The following SUMF1 variants were observed in gnomAD, a reference collection of about 807,000 sequenced individuals.
SUMF1 encodes the protein sulfatase modifying factor 1.
SUMF1 carries 48 observed loss-of-function variants against 47.6 expected under a neutral mutation model. The ratio of observed to expected loss-of-function variants is 1.01; its 90% confidence interval spans 0.80 to 1.28. The LOEUF (loss-of-function observed/expected upper bound fraction) is 1.28, where lower values mean the gene tolerates loss of function less well. Ranked by LOEUF, SUMF1 falls within the 50% of genes most tolerant of loss-of-function variation. The probability of loss-of-function intolerance (pLI) is 0.00; values close to 1 mark genes in which losing one functional copy is unlikely to be tolerated. For synonymous variants in SUMF1, 230 were observed against 192.1 expected (o/e 1.20, Z -1.63); for missense variants, 571 against 485.4 (o/e 1.18, Z -1.66).
At chr3:4,193,233 A>G (rs535665264) in intron 8 of SUMF1, among the ~76,000 whole-genome samples, 1 of 152,090 alleles carries the variant, frequency 6.6e-6, no homozygotes, top group South Asian at 2.1e-4. Flanking sequence ...TTTTTAATTT[A>G]TTTAAATTAA....
intron 8 of SUMF1, among the ~76,000 whole-genome samples, chr3:4,187,884 C>T (rs1470492214): frequency 3.3e-5 from 5 of 152,232 alleles, no homozygotes; most frequent in South Asian, 2.1e-4. Flanking sequence ...ACCATACACC[C>T]GGACCTTAAC....
At chr3:4,254,317 G>C (rs1302832055) in intron 8 of SUMF1, among the ~76,000 whole-genome samples, 1 of 151,524 alleles carries the variant, frequency 6.6e-6, no homozygotes, top group Non-Finnish European at 1.5e-5. Context: ...ATTACTCTGA[G>C]CTATGGGAGG....
At chr3:4,289,162 G>C (rs1263032033) in intron 8 of SUMF1, among the ~76,000 whole-genome samples, 1 of 152,198 alleles carries the variant, frequency 6.6e-6, no homozygotes, top group Non-Finnish European at 1.5e-5. Flanking sequence ...GGGAAAATGG[G>C]GAAGATAGTG....
At chr3:4,407,085 GACACACACACACAC>G (rs113556805) in intron 7 of SUMF1, among the ~76,000 whole-genome samples, 4 of 148,562 alleles carry the variant, frequency 2.7e-5, no homozygotes, top group Non-Finnish European at 6.0e-5. Flanking sequence ...ACACACATGG[GACACACACACACAC>G]ACACACACAC....
At chr3:4,247,418 A>T (rs1388862975) in intron 8 of SUMF1, among the ~76,000 whole-genome samples, 2 of 152,224 alleles carry the variant, frequency 1.3e-5, no homozygotes, top group Non-Finnish European at 2.9e-5. Flanking sequence ...AAAGCTATTA[A>T]ATTCAATATT....
intron 8 of SUMF1, among the ~76,000 whole-genome samples, chr3:4,137,520 T>G (rs1231882057): frequency 1.3e-5 from 2 of 152,068 alleles, no homozygotes; most frequent in Admixed American, 1.3e-4. Context: ...ATACCCAATG[T>G]AAACGATGAG....
At chr3:4,036,533 C>T (rs573446986) in intron 9 of SUMF1, among the ~76,000 whole-genome samples, 16 of 151,880 alleles carry the variant, frequency 1.1e-4, no homozygotes, top group African/African-American at 3.9e-4. Context: ...TTCCCATAGG[C>T]CTGAGTGAAG....
chr3:4,250,306 A>G, intron 8 of SUMF1, among the ~76,000 whole-genome samples: 1 of 141,196 alleles, frequency 7.1e-6, no homozygotes, highest in African/African-American at 2.6e-5. Context: ...GAAGGAGGGA[A>G]GGAGGGAGAG....
At chr3:4,073,838 G>A (rs1345464117) in intron 8 of SUMF1, among the ~76,000 whole-genome samples, 1 of 152,132 alleles carries the variant, frequency 6.6e-6, no homozygotes, top group Non-Finnish European at 1.5e-5. Flanking sequence ...GATTCATAAA[G>A]CAAGGTCTCA....
At chr3:4,184,489 A>G (rs1224407555) in intron 8 of SUMF1, among the ~76,000 whole-genome samples, 2 of 151,966 alleles carry the variant, frequency 1.3e-5, no homozygotes, top group Non-Finnish European at 2.9e-5. Flanking sequence ...AAAGAAAAAA[A>G]TGCAAAAGAG....
At chr3:4,087,466 C>G (rs772672055) in intron 8 of SUMF1, among the ~76,000 whole-genome samples, 9 of 152,142 alleles carry the variant, frequency 5.9e-5, no homozygotes, top group Non-Finnish European at 1.0e-4. Flanking sequence ...GGCAGTCAGT[C>G]TAACTTCAAT....
chr3:4,234,105 G>A (rs919598816), intron 8 of SUMF1, among the ~76,000 whole-genome samples: 3 of 152,018 alleles, frequency 2.0e-5, no homozygotes, highest in Non-Finnish European at 2.9e-5. Context: ...ACAATTGTAC[G>A]GGTGTTTAAT....
In SUMF1 at chr3:4,362,262, G is replaced by T; in HGVS notation, c.1015-8C>A. On this transcript the variant is annotated splice_region_variant and splice_polypyrimidine_tract_variant and intron_variant, in intron 8 of 8. Transcript: ENST00000272902. ...ATACCTGTAACAATAAGACTGTGTA[G>T]AGAGAAAGAGCAAGGTAAGTGCTAC... 6.2e-7 allele frequency: 1 copy of T among 1,612,422 alleles called. No individual in the cohort carries two copies. The highest frequency in any genetic ancestry group is 8.5e-7 in the Non-Finnish European group (1 of 1,178,562).
intron 8 of SUMF1, among the ~76,000 whole-genome samples, chr3:4,164,639 G>T (rs1694657806): frequency 6.6e-6 from 1 of 152,096 alleles, no homozygotes; most frequent in African/African-American, 2.4e-5. Context: ...TTGTCTGAGG[G>T]CCATGACTAA....
rs1270404 is a variant in SUMF1 at position 4,107,952 on chromosome 3, G to C, written c.1015-39207C>G. 1.7e-4 allele frequency among the ~76,000 whole-genome samples: 26 copies of C among 151,520 alleles called. No homozygotes were observed. In the East Asian group the frequency reaches 4.5e-3, roughly 26 times the overall value. ...ATTTTCTGTGATAAGTAAAAGAAAAGAAAGAAAGAGATAAGGAGGTCAGGA... is the reference window on the plus strand; with the variant it reads ...ATTTTCTGTGATAAGTAAAAGAAAACAAAGAAAGAGATAAGGAGGTCAGGA... On this transcript the variant is annotated intron_variant and NMD_transcript_variant, in intron 8 of 12. Coordinates refer to the SUMF1 transcript ENST00000448413.
In SUMF1 at chr3:4,242,799, G is replaced by C. The variant is rs575543268; in HGVS notation, c.1014+133531C>G. 1.9e-4 allele frequency among the ~76,000 whole-genome samples: 29 copies of C among 152,308 alleles called. No individual in the cohort carries two copies. The South Asian group carries it at 5.6e-3, about 29-fold the overall frequency. On this transcript the variant is annotated intron_variant and NMD_transcript_variant, in intron 8 of 12. Coordinates refer to the SUMF1 transcript ENST00000448413. The stretch of plus-strand genomic sequence containing the variant: ...GATGTTGGCCTTATAAAATGAGTTA[G>C]GGAGGATTCCCTCCTTTTCTATTGA...
At chr3:4,432,686 C>G (rs770565612) in intron 3 of SUMF1, among the ~76,000 whole-genome samples, 13 of 152,270 alleles carry the variant, frequency 8.5e-5, no homozygotes, top group African/African-American at 2.9e-4. Context: ...CATTTTCTAT[C>G]CATTATTCTG....
intron 8 of SUMF1, among the ~76,000 whole-genome samples, chr3:4,169,409 A>G (rs1419531936): frequency 1.3e-5 from 2 of 152,182 alleles, no homozygotes; most frequent in African/African-American, 4.8e-5. Flanking sequence ...AAGAGAAAAG[A>G]CAATGTGAAG....
At chr3:4,280,193 TAATA>T (rs1346260569) in intron 8 of SUMF1, among the ~76,000 whole-genome samples, 1 of 152,158 alleles carries the variant, frequency 6.6e-6, no homozygotes, top group Non-Finnish European at 1.5e-5. Context: ...ATGTTGTACA[TAATA>T]TATAGAATTT....
Sources: gnomAD v4.1 joint callset for allele counts (sites outside exome capture counted in the v4.1 genomes callset) on GRCh38, gnomAD v4.1.1 for gene constraint, MANE v1.5 for transcripts, NCBI Gene and HGNC (gene_info 2026-07-23, HGNC 2026-07-21) for gene names.